Variants in RNF7 observed in about 807,000 individuals in gnomAD.
The protein encoded by RNF7 is RING-box protein 2.
In RNF7, 9 loss-of-function variants were observed where a neutral mutation model predicts 17.0. The ratio of observed to expected loss-of-function variants is 0.53; its 90% confidence interval spans 0.32 to 0.92. The LOEUF is 0.92. RNF7 is among the 40% of genes least tolerant of loss of function. RNF7 has a pLI of 0.04. For missense variants in RNF7, 87 were observed against 145.8 expected (o/e 0.60, Z 2.08); for synonymous variants, 59 against 50.5 (o/e 1.17, Z -0.72).
Position 141,747,197 on chromosome 3 carries a change from G to T in RNF7, c.*1920G>T, listed in dbSNP as rs2084482884. 6.6e-6 allele frequency: 1 copy of T among 152,272 alleles called. No individual in the cohort carries two copies. Among genetic ancestry groups the T allele is most frequent in the South Asian group, 2.1e-4 (1 of 4,834 alleles). 9.4% of individuals were successfully genotyped at this position (152,272 alleles called of 1,614,324 possible). ...GAAGAGGAGGCACTGTGACAAAGCA[G>T]CGCTGATGCTGCTCAGCCTGCGATG... On this transcript the variant is annotated 3_prime_UTR_variant, in exon 3 of 3. Coordinates refer to ENST00000273480, the MANE Select transcript of RNF7 (RefSeq NM_014245.5).
chr3:141,744,859 G>A (rs1262590499), intron 2 of RNF7, among the ~76,000 whole-genome samples: 1 of 152,138 alleles, frequency 6.6e-6, no homozygotes, highest in African/African-American at 2.4e-5. Flanking sequence ...ATCTAAGGAA[G>A]GTTCAAGAAC....
chr3:141,743,712 A>G (rs977809556), intron 2 of RNF7, among the ~76,000 whole-genome samples, 156 bp downstream of exon 2: 6 of 152,218 alleles, frequency 3.9e-5, no homozygotes, highest in African/African-American at 1.2e-4. Flanking sequence ...TTCTCAAAAG[A>G]GTTTAATGGA....
chr3:141,739,681 C>T (rs2084394725), intron 1 of RNF7, among the ~76,000 whole-genome samples: 1 of 152,164 alleles, frequency 6.6e-6, no homozygotes, highest in African/African-American at 2.4e-5. Context: ...GCAGTTTATG[C>T]TCTTTTGTCT....
rs1463298366 is a variant in RNF7 at position 141,745,770 on chromosome 3, A to G, written c.*493A>G. The G allele has an allele frequency of 6.6e-6, 1 of 152,454 alleles. No individual in the cohort carries two copies. The highest frequency in any genetic ancestry group is 1.5e-5 in the Non-Finnish European group (1 of 68,118). The allele number at this position is 152,454 out of a possible 1,614,324, so 9.4% of individuals were successfully genotyped here. A position where few individuals can be genotyped will look rare whatever the true frequency, so the allele number is the denominator to read the frequency against. ...AGAGGGAACGGTCCATGAAATCTTT[A>G]TGTGATATAAGGATTTTAAGTTTGG... On this transcript the variant is annotated 3_prime_UTR_variant, in exon 3 of 3. Coordinates refer to ENST00000273480, the MANE Select transcript of RNF7 (RefSeq NM_014245.5).
chr3:141,743,178 C>G (rs989429638), intron 1 of RNF7, among the ~76,000 whole-genome samples: 1 of 152,118 alleles, frequency 6.6e-6, no homozygotes, highest in Non-Finnish European at 1.5e-5. Flanking sequence ...TGTCCATGAG[C>G]ATGCCCAGTA....
chr3:141,743,424 T>G, intron 1 of RNF7, 85 bp from the exon 2 acceptor site: 2 of 1,015,086 alleles, frequency 2.0e-6, no homozygotes, highest in Non-Finnish European at 3.1e-6. Flanking sequence ...TCCCTAACCC[T>G]TAGGGCTTTT....
At chr3:141,743,672 G>A (rs1159783034) in intron 2 of RNF7, 116 bp downstream of exon 2, 2 of 689,784 alleles carry the variant, frequency 2.9e-6, no homozygotes, top group Non-Finnish European at 4.9e-6. Flanking sequence ...CTGTAAAGCA[G>A]TGATCCATTG....
intron 1 of RNF7, among the ~76,000 whole-genome samples, chr3:141,743,256 C>T (rs1254304762): frequency 1.3e-5 from 2 of 152,082 alleles, no homozygotes; most frequent in Non-Finnish European, 2.9e-5. Context: ...TCTCTTGGCA[C>T]CGTCAGGACA....
rs376638368 is a variant in RNF7, at chr3:141,745,532, C to A, written c.*255C>A. 223 of 207,796 alleles carry A rather than the reference C, an allele frequency of 1.1e-3. 2 individuals carry two copies. Among genetic ancestry groups the A allele is most frequent in the Middle Eastern group, 1.9e-3 (1 of 536 alleles). The allele number at this position is 207,796 out of a possible 1,614,324, so 12.9% of individuals were successfully genotyped here. On this transcript the variant is annotated 3_prime_UTR_variant, in exon 3 of 3. Coordinates refer to ENST00000273480, the MANE Select transcript of RNF7 (RefSeq NM_014245.5). Reference sequence around the variant, plus strand: ...TCTGTGGTGTGTGTCGCGCACACAGCTTAGAAGTGCTATAAAAAAGGAAAG... The same window carrying A: ...TCTGTGGTGTGTGTCGCGCACACAGATTAGAAGTGCTATAAAAAAGGAAAG...
intron 1 of RNF7, chr3:141,742,903 T>C (rs1191812395): frequency 9.2e-7 from 1 of 1,088,472 alleles, no homozygotes; most frequent in Non-Finnish European, 1.1e-6. Context: ...AAGGCTTCTG[T>C]GTCAGTAAGT....
Sources: allele counts gnomAD v4.1 joint callset (sites outside exome capture counted in the v4.1 genomes callset), GRCh38; gene constraint gnomAD v4.1.1; transcripts MANE v1.5; gene names NCBI Gene and HGNC (gene_info 2026-07-23, HGNC 2026-07-21).